SLC6A7: variants seen among roughly 807,000 people sequenced by gnomAD.
The protein encoded by SLC6A7 is solute carrier family 6 member 7.
A neutral mutation model predicts 73.1 loss-of-function variants in SLC6A7; 58 were observed. The observed-to-expected ratio is 0.79, with a 90% CI of 0.64 to 0.99. The LOEUF is 0.99. Ranked by LOEUF, SLC6A7 falls within the 50% of genes least tolerant of loss-of-function variation. The pLI, the probability that SLC6A7 is intolerant of heterozygous loss-of-function variation, is 0.00. For missense variants in SLC6A7, 783 were observed against 831.4 expected (o/e 0.94, Z 0.72); for synonymous variants, 338 against 338.7 (o/e 1.00, Z 0.02).
At chr5:150,196,371 G>T (rs2113969979) in intron 2 of SLC6A7, among the ~76,000 whole-genome samples, 1 of 152,226 alleles carries the variant, frequency 6.6e-6, no homozygotes, top group Middle Eastern at 3.4e-3. Flanking sequence ...GGCAGATAGA[G>T]GGGAGCCGGA....
rs560979440 is a variant in SLC6A7 at position 150,202,687 on chromosome 5, C to A, written c.1071C>A (p.Asp357Glu). ...CTCAGGAGCTGGGCGTGCCTGTGGACCAAGTAGCCAAAGCAGGTGGGCAGG... is the reference window on the plus strand; with the variant it reads ...CTCAGGAGCTGGGCGTGCCTGTGGAACAAGTAGCCAAAGCAGGTGGGCAGG... ...YMSQELGVPV[D>E]QVAKAGPGLA... The change falls in exon 8 of 14, where the codon GAC becomes GAA. Residue 357 changes from aspartate (D) to glutamate (E), a missense_variant. Transcript: ENST00000230671. 6.2e-7 allele frequency: 1 copy of A among 1,614,102 alleles called. No individual in the cohort carries two copies. Among genetic ancestry groups the A allele is most frequent in the South Asian group, 1.1e-5 (1 of 91,080 alleles).
rs76757185 is a variant in SLC6A7, at chr5:150,199,692, G to T, written c.723+326G>T. Among the ~76,000 whole-genome samples, 209 of 152,294 alleles carry T rather than the reference G, an allele frequency of 1.4e-3. 5 individuals are homozygous for T. The South Asian group carries it at 0.032, about 23-fold the overall frequency. ...AGAGTGTGAGTGCATGAGTTAGGGGGCTCTTTGAGATGCAGGTGACCAGAA... is the reference window on the plus strand; with the variant it reads ...AGAGTGTGAGTGCATGAGTTAGGGGTCTCTTTGAGATGCAGGTGACCAGAA... On this transcript the variant is annotated intron_variant, in intron 5 of 13. Coordinates refer to ENST00000230671, the MANE Select transcript of SLC6A7 (RefSeq NM_014228.5).
intron 1 of SLC6A7, among the ~76,000 whole-genome samples, chr5:150,193,229 A>G (rs540442586): frequency 6.6e-6 from 1 of 152,160 alleles, no homozygotes; most frequent in Non-Finnish European, 1.5e-5. Flanking sequence ...CAAAATCACC[A>G]CTGTGGTCAC....
chr5:150,191,613 G>A (rs1471686444), intron 1 of SLC6A7, among the ~76,000 whole-genome samples: 1 of 152,068 alleles, frequency 6.6e-6, no homozygotes, highest in Non-Finnish European at 1.5e-5. Flanking sequence ...TGTATTTTTA[G>A]TAGAGACGGG....
chr5:150,203,820 GGTGTGTGTGTGT>G (rs35380195), intron 9 of SLC6A7, 41 bp downstream of exon 9: 110 of 802,506 alleles, frequency 1.4e-4, no homozygotes, highest in Non-Finnish European at 1.8e-4. Flanking sequence ...GTGTGTGTGT[GGTGTGTGTGTGT>G]GTGTGTGTGT....
intron 6 of SLC6A7, among the ~76,000 whole-genome samples, chr5:150,201,468 G>T (rs1239698424): frequency 6.6e-6 from 1 of 152,040 alleles, no homozygotes. Flanking sequence ...TAGCTAATTA[G>T]CATATGTATT....
rs12653451 is a variant in SLC6A7, at chr5:150,209,762, T to C, written c.*147T>C. The C allele has an allele frequency of 0.48, 324,538 of 669,924 alleles. 83,113 individuals carry two copies. Among genetic ancestry groups the C allele is most frequent in the African/African-American group, 0.83 (46,272 of 55,736 alleles). The allele number at this position is 669,924 out of a possible 1,614,324, so 41.5% of individuals were successfully genotyped here. On this transcript the variant is annotated 3_prime_UTR_variant, in exon 14 of 14. Transcript: ENST00000230671. Reference sequence around the variant, plus strand: ...TGCCAGTCCCCCAGTGGGGGTCCCTTCTGCAGCCTCTGCCTCTCCTGAAAC... The same window carrying C: ...TGCCAGTCCCCCAGTGGGGGTCCCTCCTGCAGCCTCTGCCTCTCCTGAAAC...
intron 5 of SLC6A7, among the ~76,000 whole-genome samples, chr5:150,200,471 A>C (rs1753317735): frequency 6.6e-6 from 1 of 152,162 alleles, no homozygotes; most frequent in Non-Finnish European, 1.5e-5. Context: ...CCAGCCTGGG[A>C]GGCTGAGTGA....
intron 8 of SLC6A7, 85 bp from the exon 9 acceptor site, chr5:150,203,582 G>T: frequency 1.4e-6 from 1 of 720,848 alleles, no homozygotes. Context: ...GCCCAAATGA[G>T]TGTAAGTGGC....
intron 1 of SLC6A7, among the ~76,000 whole-genome samples, chr5:150,192,621 C>G (rs1288086664): frequency 6.6e-6 from 1 of 152,212 alleles, no homozygotes; most frequent in Non-Finnish European, 1.5e-5. Flanking sequence ...ATTGGCTCAG[C>G]TTTGGAGGAC....
rs2113978825 is a variant in SLC6A7 at position 150,200,565 on chromosome 5, T to A, written c.724-524T>A. 1.3e-5 allele frequency among the ~76,000 whole-genome samples: 2 copies of A among 152,326 alleles called. 1 individual carries two copies. The highest frequency in any genetic ancestry group is 6.8e-3 in the Middle Eastern group (2 of 294). ...CAATCATTGGTAAATCAGAACTTGT[T>A]TCCTCTGCAAGGTGCAGACGATACC... On this transcript the variant is annotated intron_variant, in intron 5 of 13. Coordinates refer to ENST00000230671, the MANE Select transcript of SLC6A7 (RefSeq NM_014228.5).
intron 13 of SLC6A7, among the ~76,000 whole-genome samples, chr5:150,207,304 G>C (rs1468360207): frequency 1.3e-5 from 2 of 152,028 alleles, no homozygotes; most frequent in Non-Finnish European, 2.9e-5. Context: ...CACCCAGGCT[G>C]GGGTGCAGTG....
chr5:150,201,196 C>G lies in SLC6A7; in HGVS notation c.831C>G (p.Pro277=), dbSNP rs1753363470. 2 of 1,612,952 alleles carry G rather than the reference C, an allele frequency of 1.2e-6. No individual in the cohort carries two copies. Among genetic ancestry groups the G allele is most frequent in the South Asian group, 1.1e-5 (1 of 90,902 alleles). The change falls in exon 6 of 14, where the codon CCC becomes CCG. Residue 277 remains proline (P), a synonymous_variant. Transcript: ENST00000230671. ...AGGGCATCCAGTTCTATCTCACCCC[C>G]CAGTTCCACCACTTGTTGTCTTCCA... ...AWKGIQFYLT[P]QFHHLLSSKV...
Position 150,210,898 on chromosome 5 carries a change from G to C in SLC6A7, c.*1283G>C, listed in dbSNP as rs1374623120. ...GGTCCCTCAAAGAGGAGAGTGGGGT[G>C]CAGAAATGCCTCAGCATGGCTCATG... On this transcript the variant is annotated 3_prime_UTR_variant, in exon 14 of 14. Transcript: ENST00000230671. 6.6e-6 allele frequency: 1 copy of C among 152,432 alleles called. No homozygotes were observed. Among genetic ancestry groups the C allele is most frequent in the Non-Finnish European group, 1.5e-5 (1 of 68,110 alleles). 9.4% of individuals were successfully genotyped at this position (152,432 alleles called of 1,614,324 possible).
At chr5:150,191,516 T>C (rs569504151) in intron 1 of SLC6A7, among the ~76,000 whole-genome samples, 25 of 151,464 alleles carry the variant, frequency 1.7e-4, no homozygotes, top group South Asian at 2.1e-4. Flanking sequence ...CTGCAAGCTC[T>C]GCCTCCCGGG....
chr5:150,205,563 C>A lies in SLC6A7; in HGVS notation c.1641C>A (p.Cys547Ter). Residue 547 changes from cysteine to a stop codon, truncating the protein, a stop_gained, in exon 13 of 14, where the codon TGC becomes TGA. Coordinates refer to ENST00000230671, the MANE Select transcript of SLC6A7 (RefSeq NM_014228.5). LOFTEE classifies it high-confidence loss of function. Reference protein sequence around the residue: ...LLGILMGLLSCLMIPAGMLVA... With the variant: ...LLGILMGLLS ...GCATCCTGATGGGCCTGCTGTCCTG[C>A]CTCATGATCCCAGCTGGCATGCTGG... The A allele has an allele frequency of 1.2e-6, 2 of 1,613,690 alleles. No homozygotes were observed. Among genetic ancestry groups the A allele is most frequent in the Non-Finnish European group, 1.7e-6 (2 of 1,179,852 alleles).
chr5:150,198,131 A>AAG (rs1753173520), intron 4 of SLC6A7, among the ~76,000 whole-genome samples: 1 of 151,760 alleles, frequency 6.6e-6, no homozygotes, highest in Non-Finnish European at 1.5e-5. Flanking sequence ...GAAAGAAAGA[A>AAG]AGAAAGAAAG....
intron 4 of SLC6A7, among the ~76,000 whole-genome samples, chr5:150,198,110 A>AGAAGAAAGAAAGAAAG (rs1554115639): frequency 1.1e-5 from 1 of 93,558 alleles, no homozygotes; most frequent in South Asian, 3.3e-4. Context: ...AAAGAAAGAA[A>AGAAGAAAGAAAGAAAG]GAAAGAGAAA....
Position 150,201,431 on chromosome 5 carries a change from A to G in SLC6A7, c.858+208A>G, listed in dbSNP as rs41287116. Among the ~76,000 whole-genome samples, 32,193 of 152,130 alleles carry G rather than the reference A, an allele frequency of 0.21. 4,068 individuals are homozygous for G. The highest frequency in any genetic ancestry group is 0.37 in the Admixed American group (5,626 of 15,278). ...CATGTACAACATGATGTTTTGAAGCATATGTACCTGGGGGAACTGTTAAAT... is the reference window on the plus strand; with the variant it reads ...CATGTACAACATGATGTTTTGAAGCGTATGTACCTGGGGGAACTGTTAAAT... On this transcript the variant is annotated intron_variant, in intron 6 of 13. Coordinates refer to ENST00000230671, the MANE Select transcript of SLC6A7 (RefSeq NM_014228.5).
Sources: allele counts gnomAD v4.1 joint callset (sites outside exome capture counted in the v4.1 genomes callset), GRCh38; gene constraint gnomAD v4.1.1; transcripts MANE v1.5; gene names NCBI Gene and HGNC (gene_info 2026-07-23, HGNC 2026-07-21).